POU3F3: variants seen among roughly 807,000 people sequenced by gnomAD.
POU3F3 encodes POU class 3 homeobox 3.
Under a neutral mutation model 8.6 loss-of-function variants are expected in POU3F3, and 1 was observed. That is an observed-to-expected ratio of 0.12 (90% CI 0.04 to 0.55). POU3F3 has a LOEUF of 0.55. Ranked by LOEUF, POU3F3 falls within the 20% of genes least tolerant of loss-of-function variation. The probability of loss-of-function intolerance (pLI) is 0.91; values close to 1 mark genes in which losing one functional copy is unlikely to be tolerated. For missense variants in POU3F3, 577 were observed against 690.7 expected (o/e 0.84, Z 1.84); for synonymous variants, 418 against 327.4 (o/e 1.28, Z -2.99).
chr2:104,856,988 A>G lies in POU3F3; in HGVS notation c.1478A>G (p.His493Arg), dbSNP rs1676577505. Residue 493 changes from histidine to arginine, a missense_variant, in exon 1 of 1, where the codon CAC becomes CGC. Transcript: ENST00000361360. The part of the protein sequence containing the change: ...TVSADTPPPH[H>R]GLQTSVQ ...AGCGCCGACACGCCGCCGCCTCACC[A>G]CGGGCTGCAGACGAGCGTTCAGTGA... 1 of 1,607,630 alleles carries G rather than the reference A, an allele frequency of 6.2e-7. No individual in the cohort carries two copies. The highest frequency in any genetic ancestry group is 8.5e-7 in the Non-Finnish European group (1 of 1,178,058).
At chr2:104,871,933 G>A in the POU3F3 span, among the ~76,000 whole-genome samples, 1 of 152,154 alleles carries the variant, frequency 6.6e-6, no homozygotes, top group African/African-American at 2.4e-5. Flanking sequence ...GTCAGCGACG[G>A]CCAGCGAAAG....
At chr2:104,892,736 A>G in the POU3F3 span, among the ~76,000 whole-genome samples, 3 of 150,506 alleles carry the variant, frequency 2.0e-5, no homozygotes, top group Non-Finnish European at 4.4e-5. Context: ...GAGAGAGAGA[A>G]AGAGAGAGGG....
At chr2:104,908,546 A>G in the POU3F3 span, among the ~76,000 whole-genome samples, 2 of 152,210 alleles carry the variant, frequency 1.3e-5, no homozygotes, top group African/African-American at 4.8e-5. Flanking sequence ...GGAATCTCCC[A>G]CTGTCCTCAC....
chr2:104,883,309 C>G, the POU3F3 span, among the ~76,000 whole-genome samples: 1 of 152,240 alleles, frequency 6.6e-6, no homozygotes, highest in Non-Finnish European at 1.5e-5. Context: ...GCAGCCTTGA[C>G]CTTGGGGCTC....
At chr2:104,882,713 A>G in the POU3F3 span, among the ~76,000 whole-genome samples, 2 of 152,230 alleles carry the variant, frequency 1.3e-5, no homozygotes, top group Non-Finnish European at 2.9e-5. Context: ...GAATTCTATC[A>G]TCTTCGTATC....
the POU3F3 span, chr2:104,868,177 C>G: frequency 1.1e-5 from 5 of 450,802 alleles, no homozygotes; most frequent in South Asian, 1.6e-5. Context: ...CTGAAGGCTC[C>G]GGCGCAGCTC....
At chr2:104,860,439 C>G (rs1242741432), downstream of POU3F3, among the ~76,000 whole-genome samples, 1 of 152,054 alleles carries the variant, frequency 6.6e-6, no homozygotes, top group Non-Finnish European at 1.5e-5. Context: ...TATATATCAC[C>G]AGATCTTTTT....
At chr2:104,912,933 A>G in the POU3F3 span, among the ~76,000 whole-genome samples, 2 of 152,190 alleles carry the variant, frequency 1.3e-5, no homozygotes, top group African/African-American at 4.8e-5. Flanking sequence ...TTCAAGCATT[A>G]CTCATCTCCA....
the POU3F3 span, among the ~76,000 whole-genome samples, chr2:104,907,862 C>T: frequency 1.3e-5 from 2 of 152,002 alleles, no homozygotes; most frequent in Non-Finnish European, 2.9e-5. Flanking sequence ...TTAGTAGAAA[C>T]ACTTCTCTTG....
At chr2:104,862,137 A>T (rs918078033), downstream of POU3F3, among the ~76,000 whole-genome samples, 2 of 152,206 alleles carry the variant, frequency 1.3e-5, no homozygotes, top group Non-Finnish European at 2.9e-5. Flanking sequence ...CCTGTATCCT[A>T]AAATGCGGGC....
At chr2:104,917,141 G>T in the POU3F3 span, among the ~76,000 whole-genome samples, 2 of 152,220 alleles carry the variant, frequency 1.3e-5, no homozygotes, top group East Asian at 1.9e-4. Flanking sequence ...TGGTTGGGAT[G>T]AGACCCACAC....
the POU3F3 span, among the ~76,000 whole-genome samples, chr2:104,920,946 C>A: frequency 6.6e-6 from 1 of 152,166 alleles, no homozygotes; most frequent in East Asian, 1.9e-4. Context: ...TTCCAAGCAG[C>A]AGGATCAGGA....
At chr2:104,904,122 A>G in the POU3F3 span, among the ~76,000 whole-genome samples, 1 of 152,212 alleles carries the variant, frequency 6.6e-6, no homozygotes, top group Non-Finnish European at 1.5e-5. Flanking sequence ...CAGAATTTCC[A>G]TCAGAAGAAG....
At chr2:104,907,170 C>T in the POU3F3 span, among the ~76,000 whole-genome samples, 4 of 152,282 alleles carry the variant, frequency 2.6e-5, no homozygotes, top group South Asian at 4.1e-4. Flanking sequence ...TTCCCCGTTC[C>T]GTTTGTGCTT....
the POU3F3 span, chr2:104,872,384 A>G: frequency 2.2e-6 from 1 of 456,150 alleles, no homozygotes; most frequent in South Asian, 1.6e-5. This position sits in a 1 kb window ranked among gnomAD's most constrained non-coding sequence, Gnocchi z 4.6. Context: ...CTTCTTGCAG[A>G]AAACCGGGTA....
chr2:104,915,065 T>G, the POU3F3 span, among the ~76,000 whole-genome samples: 7 of 152,158 alleles, frequency 4.6e-5, no homozygotes, highest in African/African-American at 1.7e-4. Context: ...AAGGTCACAC[T>G]TGTGACAAGC....
At chr2:104,900,451 C>T in the POU3F3 span, among the ~76,000 whole-genome samples, 1 of 152,200 alleles carries the variant, frequency 6.6e-6, no homozygotes, top group Non-Finnish European at 1.5e-5. Context: ...TTCCCCCTAA[C>T]TTAAGTCTTT....
At chr2:104,873,569 T>C in the POU3F3 span, among the ~76,000 whole-genome samples, 3 of 152,194 alleles carry the variant, frequency 2.0e-5, no homozygotes, top group African/African-American at 4.8e-5. Context: ...CCCACGGTTC[T>C]TTTTGTTCCG....
chr2:104,908,012 A>C, the POU3F3 span, among the ~76,000 whole-genome samples: 2 of 152,206 alleles, frequency 1.3e-5, no homozygotes, highest in Non-Finnish European at 2.9e-5. Context: ...AAAGGTTTCT[A>C]AAAGTCAGGA....
Sources: gnomAD v4.1 joint callset for allele counts (sites outside exome capture counted in the v4.1 genomes callset) on GRCh38, gnomAD v4.1.1 for gene constraint, Gnocchi (gnomAD v3.1) non-coding constraint, MANE v1.5 for transcripts, NCBI Gene and HGNC (gene_info 2026-07-23, HGNC 2026-07-21) for gene names.